Variants in ROBO1 observed in about 807,000 individuals in gnomAD.
The protein encoded by ROBO1 is roundabout guidance receptor 1, also known as roundabout homolog 1.
ROBO1 carries 149 observed loss-of-function variants against 195.9 expected under a neutral mutation model. That is an observed-to-expected ratio of 0.76 (90% CI 0.67 to 0.87). The LOEUF is 0.87. ROBO1 is among the 40% of genes least tolerant of loss of function. ROBO1 has a pLI of 0.00. For missense variants in ROBO1, 1,933 were observed against 2,068.3 expected, an observed-to-expected ratio of 0.93 and a Z score of 1.27; for synonymous variants, 816 against 733.2, an observed-to-expected ratio of 1.11 and a Z score of -1.82.
At chr3:79,630,723 C>G (rs1256736290) in intron 1 of ROBO1, among the ~76,000 whole-genome samples, 2 of 151,830 alleles carry the variant, frequency 1.3e-5, no homozygotes, top group Non-Finnish European at 1.5e-5. Context: ...ATTCTTATAA[C>G]CAGAAAACTA....
chr3:79,762,473 A>T (rs917878253), intron 1 of ROBO1, among the ~76,000 whole-genome samples: 1 of 134,002 alleles, frequency 7.5e-6, no homozygotes, highest in Non-Finnish European at 1.8e-5. Flanking sequence ...TTATTAAATG[A>T]TCAGAAAGGG....
At chr3:78,646,116 T>C (rs1706266226) in intron 21 of ROBO1, 32 bp downstream of exon 21, 2 of 1,586,768 alleles carry the variant, frequency 1.3e-6, no homozygotes, top group Non-Finnish European at 8.6e-7. Context: ...TGGAATTCCC[T>C]GTAGGATCTA....
At chr3:79,215,552 A>G (rs962969707) in intron 2 of ROBO1, among the ~76,000 whole-genome samples, 3 of 152,220 alleles carry the variant, frequency 2.0e-5, no homozygotes, top group African/African-American at 7.2e-5. Flanking sequence ...CCTGAGGACC[A>G]GCAAACATTC....
chr3:79,374,493 A>G (rs982395236), intron 2 of ROBO1, among the ~76,000 whole-genome samples: 4 of 152,176 alleles, frequency 2.6e-5, no homozygotes, highest in Non-Finnish European at 5.9e-5. Context: ...AAAAAGAAGA[A>G]AAACTGATAT....
chr3:79,486,157 A>G (rs1231712344), intron 2 of ROBO1, among the ~76,000 whole-genome samples: 1 of 152,164 alleles, frequency 6.6e-6, no homozygotes, highest in East Asian at 1.9e-4. Flanking sequence ...AAGAGTGAGC[A>G]GCATAGTAAA....
intron 1 of ROBO1, among the ~76,000 whole-genome samples, chr3:79,720,730 T>C (rs575481548): frequency 1.3e-4 from 20 of 151,826 alleles, no homozygotes; most frequent in Non-Finnish European, 2.4e-4. Flanking sequence ...TCTACTAAAG[T>C]CACAGATCCT....
At chr3:78,983,167 C>T (rs1440783011) in intron 3 of ROBO1, among the ~76,000 whole-genome samples, 1 of 152,106 alleles carries the variant, frequency 6.6e-6, no homozygotes, top group Non-Finnish European at 1.5e-5. Flanking sequence ...CATTTTCAAA[C>T]AAGAAAAACA....
At chr3:79,537,118 T>C (rs1463379486) in intron 2 of ROBO1, among the ~76,000 whole-genome samples, 1 of 151,928 alleles carries the variant, frequency 6.6e-6, no homozygotes, top group East Asian at 1.9e-4. Context: ...TTTTTATTTT[T>C]TTTTTGACTC....
At chr3:78,952,184 T>C (rs1351593147) in intron 3 of ROBO1, among the ~76,000 whole-genome samples, 7 of 151,472 alleles carry the variant, frequency 4.6e-5, no homozygotes, top group Non-Finnish European at 1.0e-4. Context: ...AAAGTATCTG[T>C]CTCCATCAAA....
intron 2 of ROBO1, among the ~76,000 whole-genome samples, chr3:79,421,246 A>G (rs2038210840): frequency 6.6e-6 from 1 of 152,060 alleles, no homozygotes; most frequent in Non-Finnish European, 1.5e-5. Context: ...GAGAAGGATG[A>G]GAATTAAAAA....
chr3:79,316,655 C>T (rs1173182007), intron 2 of ROBO1, among the ~76,000 whole-genome samples: 3 of 151,660 alleles, frequency 2.0e-5, no homozygotes, highest in Admixed American at 6.6e-5. Flanking sequence ...AGAAGTTGTC[C>T]GGAAGGTGGG....
intron 1 of ROBO1, among the ~76,000 whole-genome samples, chr3:79,707,985 C>T (rs1038068441): frequency 9.9e-5 from 15 of 151,930 alleles, no homozygotes; most frequent in African/African-American, 3.4e-4. Flanking sequence ...CTTTTTTTGT[C>T]GATGTTAGAT....
intron 2 of ROBO1, among the ~76,000 whole-genome samples, chr3:79,536,183 C>T (rs992045289): frequency 1.3e-5 from 2 of 151,932 alleles, no homozygotes; most frequent in Non-Finnish European, 2.9e-5. Flanking sequence ...TATATATATA[C>T]ATATATATAT....
chr3:79,181,192 C>G (rs1339264192), intron 2 of ROBO1, among the ~76,000 whole-genome samples: 1 of 152,180 alleles, frequency 6.6e-6, no homozygotes, highest in East Asian at 1.9e-4. Flanking sequence ...CCTCTCTTCT[C>G]TCTGTTCTAG....
rs2032835468 is a variant in ROBO1, at chr3:79,300,197, C to T, written c.89-174658G>A. ...CTGGCCAAGGCCGAGCCGGCTCCCT[C>T]AGCTAGCAGGGAGGTGTGGGGGGAG... On this transcript the variant is annotated intron_variant, in intron 2 of 30. Transcript: ENST00000464233. Among the ~76,000 whole-genome samples the T allele has an allele frequency of 2.0e-5, 3 of 152,188 alleles. No homozygotes were observed. In the South Asian group the frequency reaches 6.2e-4, roughly 31 times the overall value.
At chr3:78,780,731 T>C (rs765847251) in intron 4 of ROBO1, among the ~76,000 whole-genome samples, 1 of 152,182 alleles carries the variant, frequency 6.6e-6, no homozygotes, top group African/African-American at 2.4e-5. Context: ...CTGCTTCTTC[T>C]TGGCAACTCT....
intron 2 of ROBO1, among the ~76,000 whole-genome samples, chr3:79,545,331 C>T (rs1559980210): frequency 6.6e-6 from 1 of 152,206 alleles, no homozygotes; most frequent in Non-Finnish European, 1.5e-5. Flanking sequence ...CCTTCTCAAT[C>T]ACTAAAGCAG....
intron 3 of ROBO1, among the ~76,000 whole-genome samples, chr3:79,056,346 C>T (rs113282990): frequency 6.6e-6 from 1 of 152,006 alleles, no homozygotes. Flanking sequence ...ATATTGATGA[C>T]ATTTTAATTG....
At chr3:78,794,967 A>C (rs1458761182) in intron 4 of ROBO1, among the ~76,000 whole-genome samples, 2 of 152,190 alleles carry the variant, frequency 1.3e-5, no homozygotes. Flanking sequence ...TAATTTCAGA[A>C]ATGTATCTTA....
Sources: gnomAD v4.1 joint callset for allele counts (sites outside exome capture counted in the v4.1 genomes callset) on GRCh38, gnomAD v4.1.1 for gene constraint, MANE v1.5 for transcripts, NCBI Gene and HGNC (gene_info 2026-07-23, HGNC 2026-07-21) for gene names.